Variants in IQCJ observed in about 807,000 individuals in gnomAD.
IQCJ encodes IQ domain-containing protein J.
IQCJ carries 9 observed loss-of-function variants against 11.0 expected under a neutral mutation model. That is an observed-to-expected ratio of 0.82 (90% CI 0.49 to 1.43). The LOEUF is 1.43. IQCJ is among the 40% of genes most tolerant of loss of function. IQCJ has a pLI of 0.00. For missense variants in IQCJ, 146 were observed against 133.2 expected, an observed-to-expected ratio of 1.10 and a Z score of -0.47; for synonymous variants, 55 against 51.3, an observed-to-expected ratio of 1.07 and a Z score of -0.31.
intron 1 of IQCJ, among the ~76,000 whole-genome samples, chr3:159,201,673 C>T (rs893220100): frequency 8.5e-6 from 1 of 118,186 alleles, no homozygotes; most frequent in South Asian, 2.9e-4. Context: ...CTCGCTCTGT[C>T]GCCCAGGCTG....
At chr3:159,168,900 C>T (rs536421623) in intron 1 of IQCJ, among the ~76,000 whole-genome samples, 34 of 152,086 alleles carry the variant, frequency 2.2e-4, no homozygotes, top group African/African-American at 8.0e-4. Context: ...ATTGTTCTCT[C>T]TGTTGGCCTG....
intron 1 of IQCJ, among the ~76,000 whole-genome samples, chr3:159,089,473 C>T (rs990027722): frequency 5.9e-5 from 9 of 151,902 alleles, no homozygotes; most frequent in Non-Finnish European, 1.3e-4. Flanking sequence ...GCCTGCCTTG[C>T]TAGATTGGGG....
intron 1 of IQCJ, among the ~76,000 whole-genome samples, chr3:159,245,458 C>CTCT (rs1727207241): frequency 1.8e-5 from 2 of 113,060 alleles, no homozygotes; most frequent in Non-Finnish European, 3.6e-5. Context: ...GTCCTGAATT[C>CTCT]TTTTTTTTTT....
rs568627357 is a variant in IQCJ at position 159,076,789 on chromosome 3, A to G, written c.9+7348A>G. 1.2e-4 allele frequency among the ~76,000 whole-genome samples: 19 copies of G among 152,252 alleles called. No individual in the cohort carries two copies. In the East Asian group the frequency reaches 3.7e-3, roughly 29 times the overall value. On this transcript the variant is annotated intron_variant, in intron 1 of 3. Coordinates refer to ENST00000397832, the MANE Select transcript of IQCJ (RefSeq NM_001042706.3). ...ATGCATAAGTGGATAAAAGCACCTGACCCTGGACCCAAACTTCCTAGGCTC... is the reference window on the plus strand; with the variant it reads ...ATGCATAAGTGGATAAAAGCACCTGGCCCTGGACCCAAACTTCCTAGGCTC...
intron 1 of IQCJ, among the ~76,000 whole-genome samples, chr3:159,095,368 A>T (rs944487184): frequency 3.0e-4 from 45 of 150,942 alleles, no homozygotes; most frequent in South Asian, 4.2e-4. Flanking sequence ...ATTTTATTTT[A>T]TTTTTTTTAT....
At chr3:159,259,760 G>A (rs910273914) in intron 3 of IQCJ, among the ~76,000 whole-genome samples, 1 of 152,124 alleles carries the variant, frequency 6.6e-6, no homozygotes, top group Non-Finnish European at 1.5e-5. Context: ...TAATAGCCTG[G>A]TGTGACATGA....
At chr3:159,129,023 C>A (rs771022197) in intron 1 of IQCJ, among the ~76,000 whole-genome samples, 4 of 152,086 alleles carry the variant, frequency 2.6e-5, no homozygotes, top group Admixed American at 1.3e-4. Flanking sequence ...CCACGCATAC[C>A]AACTCATCAC....
At chr3:159,218,682 G>A (rs528119858) in intron 1 of IQCJ, among the ~76,000 whole-genome samples, 49 of 152,200 alleles carry the variant, frequency 3.2e-4, no homozygotes, top group African/African-American at 1.1e-3. Flanking sequence ...TATAAAGCAG[G>A]AAGAATTTTC....
rs1332928739 is a variant in IQCJ, at chr3:159,069,400, C to T, written c.-33C>T. The T allele has an allele frequency of 4.2e-5, 68 of 1,604,102 alleles. No homozygotes were observed. In the Admixed American group the frequency reaches 1.1e-3, roughly 27 times the overall value. On this transcript the variant is annotated 5_prime_UTR_variant, in exon 1 of 4. Coordinates refer to ENST00000397832, the MANE Select transcript of IQCJ (RefSeq NM_001042706.3). The stretch of plus-strand genomic sequence containing the variant: ...AGTGTGCCAGCATCCGATCCAGTCT[C>T]CTTTCACCTGCAGGTGTTCCAGAAA...
At chr3:159,158,459 A>C (rs532804343) in intron 1 of IQCJ, among the ~76,000 whole-genome samples, 1 of 152,282 alleles carries the variant, frequency 6.6e-6, no homozygotes, top group East Asian at 1.9e-4. Context: ...TGGTTGATTG[A>C]AAGGGTTTCC....
intron 1 of IQCJ, among the ~76,000 whole-genome samples, chr3:159,174,869 TA>T (rs1722687346): frequency 6.6e-6 from 1 of 152,196 alleles, no homozygotes. Flanking sequence ...TATCTCACCA[TA>T]AATATGTCTG....
At chr3:159,108,294 G>A (rs1718399628) in intron 1 of IQCJ, among the ~76,000 whole-genome samples, 1 of 152,066 alleles carries the variant, frequency 6.6e-6, no homozygotes, top group Non-Finnish European at 1.5e-5. Context: ...TACTTCATTT[G>A]CATTTATTTT....
chr3:159,152,884 G>C (rs148772637), intron 1 of IQCJ, among the ~76,000 whole-genome samples: 269 of 152,268 alleles, frequency 1.8e-3, no homozygotes, highest in African/African-American at 6.3e-3. Context: ...CAAAGAATCT[G>C]CAAAAAGATG....
chr3:159,208,563 T>C (rs1560026064), intron 1 of IQCJ, among the ~76,000 whole-genome samples: 1 of 152,228 alleles, frequency 6.6e-6, no homozygotes, highest in African/African-American at 2.4e-5. Flanking sequence ...TCTTAAATAA[T>C]GGACTGAGGT....
At chr3:159,165,433 G>T (rs1722109379) in intron 1 of IQCJ, among the ~76,000 whole-genome samples, 1 of 152,106 alleles carries the variant, frequency 6.6e-6, no homozygotes, top group Admixed American at 6.5e-5. Flanking sequence ...ACAGATGTGG[G>T]GGATGGCAGG....
intron 1 of IQCJ, among the ~76,000 whole-genome samples, chr3:159,134,297 C>G (rs1362468132): frequency 6.6e-6 from 1 of 152,124 alleles, no homozygotes; most frequent in Non-Finnish European, 1.5e-5. Context: ...TAGCCCATCA[C>G]CTTTGCCACA....
chr3:159,218,997 T>C (rs900330962), intron 1 of IQCJ, among the ~76,000 whole-genome samples: 4 of 152,106 alleles, frequency 2.6e-5, no homozygotes, highest in African/African-American at 9.7e-5. Flanking sequence ...CTCTCTCCCT[T>C]ATTCTCACCC....
At chr3:159,087,534 A>T (rs1433783320) in intron 1 of IQCJ, among the ~76,000 whole-genome samples, 1 of 151,960 alleles carries the variant, frequency 6.6e-6, no homozygotes, top group Non-Finnish European at 1.5e-5. Flanking sequence ...TTCAGCTGTG[A>T]ATCCATCTGG....
At chr3:159,117,331 T>G (rs886142855) in intron 1 of IQCJ, among the ~76,000 whole-genome samples, 4 of 152,164 alleles carry the variant, frequency 2.6e-5, no homozygotes, top group Non-Finnish European at 5.9e-5. Flanking sequence ...TGTGATGGTA[T>G]GGGGAGAATT....
Sources: allele counts gnomAD v4.1 joint callset (sites outside exome capture counted in the v4.1 genomes callset), GRCh38; gene constraint gnomAD v4.1.1; transcripts MANE v1.5; gene names NCBI Gene and HGNC (gene_info 2026-07-23, HGNC 2026-07-21).